The following LRMDA variants were observed in gnomAD, a reference collection of about 807,000 sequenced individuals.
LRMDA encodes the protein leucine-rich melanocyte differentiation-associated protein.
In LRMDA, 18 loss-of-function variants were observed where a neutral mutation model predicts 29.8. The observed-to-expected ratio is 0.60, with a 90% confidence interval of 0.42 to 0.90. The LOEUF (loss-of-function observed/expected upper bound fraction) is 0.90, where lower values mean the gene tolerates loss of function less well. LRMDA is among the 40% of genes least tolerant of loss of function. LRMDA has a pLI of 0.00. For synonymous variants in LRMDA, 125 were observed against 109.4 expected (o/e 1.14, Z -0.89); for missense variants, 273 against 273.9 (o/e 1.00, Z 0.02).
At chr10:75,854,292 G>C (rs1156303999) in intron 2 of LRMDA, among the ~76,000 whole-genome samples, 1 of 152,090 alleles carries the variant, frequency 6.6e-6, no homozygotes, top group South Asian at 2.1e-4. Flanking sequence ...ATCCTTCTTT[G>C]CTTGGGTGAT....
intron 2 of LRMDA, among the ~76,000 whole-genome samples, chr10:76,003,755 G>A (rs1169475387): frequency 1.3e-5 from 2 of 152,272 alleles, no homozygotes; most frequent in African/African-American, 4.8e-5. Flanking sequence ...TCTGATAGGG[G>A]GAGGAAGAAG....
At chr10:76,053,284 T>G (rs1848559817) in intron 4 of LRMDA, among the ~76,000 whole-genome samples, 1 of 152,200 alleles carries the variant, frequency 6.6e-6, no homozygotes, top group South Asian at 2.1e-4. Flanking sequence ...GGACTAGCCC[T>G]TGTGATTGCA....
chr10:76,183,553 G>A (rs1014758151), intron 5 of LRMDA, among the ~76,000 whole-genome samples: 17 of 152,116 alleles, frequency 1.1e-4, no homozygotes, highest in African/African-American at 2.7e-4. Context: ...CACAGAACCC[G>A]GTTGGGACAA....
chr10:76,420,567 A>G (rs1270317717), intron 6 of LRMDA, among the ~76,000 whole-genome samples: 4 of 151,744 alleles, frequency 2.6e-5, no homozygotes, highest in South Asian at 4.2e-4. Context: ...CCTTCATTCC[A>G]GTTTGTTGGT....
chr10:76,329,369 A>G (rs1840876322), intron 6 of LRMDA, among the ~76,000 whole-genome samples: 1 of 152,242 alleles, frequency 6.6e-6, no homozygotes, highest in Admixed American at 6.5e-5. Flanking sequence ...ATTTTGCAAG[A>G]TAATTGCAAG....
intron 2 of LRMDA, among the ~76,000 whole-genome samples, chr10:75,917,297 G>A (rs930977526): frequency 6.6e-5 from 10 of 152,128 alleles, no homozygotes; most frequent in African/African-American, 2.4e-4. Flanking sequence ...TTCTGTTTTT[G>A]AAACCCATCC....
At chr10:76,254,461 A>G (rs1379205028) in intron 5 of LRMDA, among the ~76,000 whole-genome samples, 2 of 151,846 alleles carry the variant, frequency 1.3e-5, no homozygotes, top group Non-Finnish European at 2.9e-5. Flanking sequence ...AAATAAAGCA[A>G]ATCCAATCAA....
chr10:75,715,348 C>T (rs890664071), intron 2 of LRMDA, among the ~76,000 whole-genome samples: 1 of 152,022 alleles, frequency 6.6e-6, no homozygotes, highest in African/African-American at 2.4e-5. Flanking sequence ...TATATATTCA[C>T]TGTAGAAAGT....
intron 5 of LRMDA, among the ~76,000 whole-genome samples, chr10:76,078,854 CAA>C (rs34775672): frequency 6.6e-6 from 1 of 151,452 alleles, no homozygotes; most frequent in Non-Finnish European, 1.5e-5. Flanking sequence ...AACAAACAAA[CAA>C]AAAAAATGGA....
chr10:75,875,403 C>A (rs1845179396), intron 2 of LRMDA, among the ~76,000 whole-genome samples: 1 of 152,054 alleles, frequency 6.6e-6, no homozygotes, highest in Admixed American at 6.6e-5. Flanking sequence ...ATGACAAGGC[C>A]ATTTGGCCAT....
intron 6 of LRMDA, among the ~76,000 whole-genome samples, chr10:76,389,338 C>T (rs1841696852): frequency 6.6e-6 from 1 of 152,074 alleles, no homozygotes. Flanking sequence ...TAGAAGGGCC[C>T]AAGCAATCCA....
intron 5 of LRMDA, among the ~76,000 whole-genome samples, chr10:76,205,223 G>A (rs371608863): frequency 3.9e-5 from 6 of 152,170 alleles, no homozygotes; most frequent in South Asian, 4.2e-4. Flanking sequence ...TGTTGGACCC[G>A]GAAGAGCATA....
intron 6 of LRMDA, among the ~76,000 whole-genome samples, chr10:76,553,278 A>G (rs1843516616): frequency 6.6e-6 from 1 of 152,238 alleles, no homozygotes; most frequent in Non-Finnish European, 1.5e-5. Flanking sequence ...AAAACACTGC[A>G]TATGCCATTA....
chr10:76,317,580 G>T (rs2758970), intron 5 of LRMDA, among the ~76,000 whole-genome samples: 132,071 of 152,146 alleles, frequency 0.87, 58,128 homozygotes, highest in Non-Finnish European at 0.95. Flanking sequence ...AAAATTTATT[G>T]ATTTAGTTTT....
chr10:76,508,719 G>A (rs1842982109), intron 6 of LRMDA, among the ~76,000 whole-genome samples: 1 of 152,026 alleles, frequency 6.6e-6, no homozygotes, highest in Non-Finnish European at 1.5e-5. Flanking sequence ...ACTTTTACTG[G>A]AGGAAGGTAC....
At chr10:76,356,105 G>A (rs775484599) in intron 6 of LRMDA, among the ~76,000 whole-genome samples, 6 of 152,158 alleles carry the variant, frequency 3.9e-5, no homozygotes, top group Non-Finnish European at 7.3e-5. Context: ...AATAAGGAAA[G>A]CCATTATGTG....
At chr10:75,447,669 A>G (rs977386821) in intron 2 of LRMDA, among the ~76,000 whole-genome samples, 20 of 152,114 alleles carry the variant, frequency 1.3e-4, no homozygotes, top group African/African-American at 4.8e-4. Context: ...GCACTTTGGG[A>G]GGCTCAGTTG....
chr10:76,354,547 G>A (rs755436543), intron 6 of LRMDA, among the ~76,000 whole-genome samples: 22 of 152,196 alleles, frequency 1.4e-4, no homozygotes, highest in Admixed American at 1.2e-3. Flanking sequence ...TCTTCTGTTC[G>A]TTGACAGTAG....
intron 2 of LRMDA, among the ~76,000 whole-genome samples, chr10:76,033,557 C>T (rs764742884): frequency 9.2e-5 from 14 of 152,108 alleles, no homozygotes; most frequent in Non-Finnish European, 2.1e-4. Flanking sequence ...CCCTGGAGCA[C>T]TCTTGGAAAG....
Sources: allele counts gnomAD v4.1 joint callset (sites outside exome capture counted in the v4.1 genomes callset), GRCh38; gene constraint gnomAD v4.1.1; transcripts MANE v1.5; gene names NCBI Gene and HGNC (gene_info 2026-07-23, HGNC 2026-07-21).